The following SCN10A variants were observed in gnomAD, a reference collection of about 807,000 sequenced individuals.
SCN10A encodes the protein sodium voltage-gated channel alpha subunit 10.
A neutral mutation model predicts 170.7 loss-of-function variants in SCN10A; 162 were observed. The ratio of observed to expected loss-of-function variants is 0.95; its 90% confidence interval spans 0.84 to 1.08. SCN10A has a LOEUF of 1.08. Among genes scored for constraint, SCN10A ranks in the 50% least tolerant of loss-of-function variants. SCN10A has a pLI of 0.00. For missense variants in SCN10A, 2,527 were observed against 2,436.9 expected (o/e 1.04, Z -0.78); for synonymous variants, 985 against 904.6 (o/e 1.09, Z -1.59).
intron 15 of SCN10A, among the ~76,000 whole-genome samples, chr3:38,731,174 G>C (rs2063509990): frequency 6.6e-6 from 1 of 152,164 alleles, no homozygotes; most frequent in Non-Finnish European, 1.5e-5. Flanking sequence ...CAACAATGGA[G>C]GCTAATTGTT....
At position 38,698,411 on chromosome 3, in the gene SCN10A, G is replaced by A. The variant is rs1400922230; in HGVS notation, c.4809C>T (p.Ser1603=). The change falls in exon 28 of 28, where the codon TCC becomes TCT. Residue 1603 remains serine, a synonymous_variant. Coordinates refer to ENST00000449082, the MANE Select transcript of SCN10A (RefSeq NM_006514.4). ...IRTLLFALMM[S]LPALFNIGLL... The stretch of plus-strand genomic sequence containing the variant: ...GCCCGATGTTGAAGAGGGCAGGCAG[G>A]GACATCATGAGGGCAAAGAGCAGTG... The A allele has an allele frequency of 1.2e-6, 2 of 1,614,204 alleles. No individual in the cohort carries two copies. Among genetic ancestry groups the A allele is most frequent in the South Asian group, 1.1e-5 (1 of 91,072 alleles).
chr3:38,721,135 C>T (rs1197201144), intron 20 of SCN10A, among the ~76,000 whole-genome samples: 2 of 152,202 alleles, frequency 1.3e-5, no homozygotes, highest in African/African-American at 4.8e-5. Context: ...TGTGCTCCTC[C>T]CTAAAGCTGA....
intron 26 of SCN10A, among the ~76,000 whole-genome samples, chr3:38,704,097 A>G (rs2063184694): frequency 6.6e-6 from 1 of 152,232 alleles, no homozygotes; most frequent in South Asian, 2.1e-4. Flanking sequence ...TGAGGGAGGA[A>G]GAGAAGAACC....
chr3:38,789,668 G>A (rs2064255434), intron 3 of SCN10A, among the ~76,000 whole-genome samples: 2 of 152,186 alleles, frequency 1.3e-5, no homozygotes, highest in South Asian at 4.1e-4. Flanking sequence ...TACTGGCTCA[G>A]GAAGAAAACC....
chr3:38,747,579 G>T (rs1043913035), intron 13 of SCN10A, among the ~76,000 whole-genome samples: 7 of 152,140 alleles, frequency 4.6e-5, no homozygotes, highest in Non-Finnish European at 8.8e-5. Flanking sequence ...AAGCTCCAAG[G>T]TCACACTGTG....
At chr3:38,765,151 T>C (rs1369735094) in intron 5 of SCN10A, among the ~76,000 whole-genome samples, 5 of 152,226 alleles carry the variant, frequency 3.3e-5, no homozygotes, top group African/African-American at 1.2e-4. Context: ...TTTTCTCTCA[T>C]CCTATGGGTT....
chr3:38,762,558 A>G (rs569751087), intron 6 of SCN10A, among the ~76,000 whole-genome samples: 1 of 152,312 alleles, frequency 6.6e-6, no homozygotes, highest in African/African-American at 2.4e-5. Flanking sequence ...GGTGGATTCC[A>G]GAGCATGGTG....
chr3:38,738,107 A>G (rs1450698049), intron 15 of SCN10A, among the ~76,000 whole-genome samples: 1 of 151,498 alleles, frequency 6.6e-6, no homozygotes, highest in Non-Finnish European at 1.5e-5. Context: ...TGCCTGGCTA[A>G]TTTTTTCATT....
Position 38,722,338 on chromosome 3 carries a change from T to C in SCN10A, c.3427A>G (p.Lys1143Glu), listed in dbSNP as rs1478725654. The C allele has an allele frequency of 4.3e-6, 7 of 1,613,872 alleles. No homozygotes were observed. Among genetic ancestry groups the C allele is most frequent in the Non-Finnish European group, 4.2e-6 (5 of 1,180,008 alleles). ...TGCTCCACGATACGGTAGCAAGTCT[T>C]GCGCACCTGCCAGCCCACATCCCAT... is the stretch of plus-strand genomic sequence containing the variant. ...SPWDVGWQVR[K>E]TCYRIVEHSW... The change falls in exon 20 of 28, where the codon AAG (lysine) becomes GAG (glutamate). Residue 1143 changes from lysine (K) to glutamate (E), a missense_variant. Transcript: ENST00000449082.
At chr3:38,749,843 G>A (rs1387858367) in intron 13 of SCN10A, among the ~76,000 whole-genome samples, 1 of 152,232 alleles carries the variant, frequency 6.6e-6, no homozygotes, top group African/African-American at 2.4e-5. Flanking sequence ...TTGAACAAGA[G>A]ATGAGCTAGG....
At chr3:38,810,676 C>G (rs1465298470) in intron 1 of SCN10A, among the ~76,000 whole-genome samples, 1 of 152,178 alleles carries the variant, frequency 6.6e-6, no homozygotes, top group Non-Finnish European at 1.5e-5. Context: ...ACTGTAAGTT[C>G]TATAAGTTCT....
rs114963216 is a variant in SCN10A at position 38,698,611 on chromosome 3, C to A, written c.4658-49G>T. The A allele has an allele frequency of 7.5e-4, 1,174 of 1,560,630 alleles. 10 individuals are homozygous for A. In the African/African-American group the frequency reaches 0.013, roughly 18 times the overall value. On this transcript the variant is annotated intron_variant, in intron 27 of 27. Transcript: ENST00000449082. ...CTAATTAGTATCTCCAGCCATGAGA[C>A]GTGACAAAGTTGGCTGTGATGACAC...
At chr3:38,710,969 G>T in intron 23 of SCN10A, 72 bp from the exon 24 acceptor site, 1 of 1,321,494 alleles carries the variant, frequency 7.6e-7, no homozygotes, top group Non-Finnish European at 1.1e-6. Context: ...AAGCCATGGT[G>T]GCCCAGTGAG....
At position 38,742,313 on chromosome 3, in the gene SCN10A, G is replaced by C. The variant is rs539654093; in HGVS notation, c.2084C>G (p.Ala695Gly). 2 of 1,613,874 alleles carry C rather than the reference G, an allele frequency of 1.2e-6. No individual in the cohort carries two copies. Among genetic ancestry groups the C allele is most frequent in the Admixed American group, 1.7e-5 (1 of 60,016 alleles). ...CACGATGTTGCCTATCTGGAGCATG[G>C]CTTCGAAGGTAGGGCTCATGCCATG... ...EHHGMSPTFE[A>G]MLQIGNIVFT... Residue 695 changes from alanine (A) to glycine (G), a missense_variant, in exon 14 of 28, where the codon GCC becomes GGC. Transcript: ENST00000449082.
chr3:38,732,392 G>A (rs1455058669), intron 15 of SCN10A, among the ~76,000 whole-genome samples: 1 of 152,152 alleles, frequency 6.6e-6, no homozygotes, highest in Admixed American at 6.5e-5. Flanking sequence ...GATAATCCTA[G>A]ATCCTTGAGG....
chr3:38,750,695 G>C (rs1462212488), intron 12 of SCN10A, among the ~76,000 whole-genome samples: 1 of 152,184 alleles, frequency 6.6e-6, no homozygotes, highest in Non-Finnish European at 1.5e-5. Flanking sequence ...TGACTCAGGT[G>C]GTAACTGGCA....
At chr3:38,792,761 G>A (rs1237131690) in intron 2 of SCN10A, among the ~76,000 whole-genome samples, 1 of 62,536 alleles carries the variant, frequency 1.6e-5, no homozygotes, top group Middle Eastern at 9.3e-3. Context: ...CCATTTTTTG[G>A]CTCGTAGAAC....
chr3:38,722,264 T>G lies in SCN10A; in HGVS notation c.3501A>C (p.Gly1167=). The G allele has an allele frequency of 8.1e-6, 13 of 1,613,618 alleles. No individual in the cohort carries two copies. The highest frequency in any genetic ancestry group is 1.1e-5 in the Non-Finnish European group (13 of 1,179,742). ...GGACTATGCCTCCCCTTACCAGAGA[T>G]CCACTGCTGAGCAGGATCATGAAGA... The part of the protein sequence containing the change: ...FIIFMILLSS[G]SLAFEDYYLD... The change falls in exon 20 of 28, where the codon GGA becomes GGC. Residue 1167 remains glycine (G), a synonymous_variant. Coordinates refer to ENST00000449082, the MANE Select transcript of SCN10A (RefSeq NM_006514.4).
rs1458523789 is a variant in SCN10A, at chr3:38,697,870, T to C, written c.5350A>G (p.Ile1784Val). 3 of 1,613,942 alleles carry C rather than the reference T, an allele frequency of 1.9e-6. No homozygotes were observed. The highest frequency in any genetic ancestry group is 2.5e-6 in the Non-Finnish European group (3 of 1,180,026). Residue 1784 changes from isoleucine (I) to valine (V), a missense_variant, in exon 28 of 28, where the codon ATA becomes GTA. By Grantham distance (29) the Ile-to-Val change is conservative. Coordinates refer to ENST00000449082, the MANE Select transcript of SCN10A (RefSeq NM_006514.4). ...AAAGGCAGGTCCATCTGGATCAGTATATTTCGATTGGGTTTTGGGATTCTC... is the reference window on the plus strand; with the variant it reads ...AAAGGCAGGTCCATCTGGATCAGTACATTTCGATTGGGTTTTGGGATTCTC... ...PLRIPKPNRN[I>V]LIQMDLPLVP... is the part of the protein sequence containing the mutation.
Sources: allele counts gnomAD v4.1 joint callset (sites outside exome capture counted in the v4.1 genomes callset), GRCh38; gene constraint gnomAD v4.1.1; transcripts MANE v1.5; gene names NCBI Gene and HGNC (gene_info 2026-07-23, HGNC 2026-07-21).